The following COL15A1 variants were observed in gnomAD, a reference collection of about 807,000 sequenced individuals.
The protein encoded by COL15A1 is collagen type XV alpha 1 chain.
A neutral mutation model predicts 165.9 loss-of-function variants in COL15A1; 111 were observed. The observed-to-expected ratio is 0.67, with a 90% CI of 0.57 to 0.78. COL15A1 has a LOEUF of 0.78. Among genes scored for constraint, COL15A1 ranks in the 30% least tolerant of loss-of-function variants. COL15A1 has a pLI of 0.00. For missense variants in COL15A1, 1,745 were observed against 1,789.7 expected (o/e 0.98, Z 0.45); for synonymous variants, 659 against 674.8 (o/e 0.98, Z 0.36).
At chr9:98,980,582 G>A (rs1205529039) in intron 2 of COL15A1, among the ~76,000 whole-genome samples, 1 of 152,196 alleles carries the variant, frequency 6.6e-6, no homozygotes, top group East Asian at 1.9e-4. Context: ...TGACCACAGA[G>A]GGCCTCTTGA....
chr9:99,040,387 A>AATGCTG (rs1176575446), intron 22 of COL15A1, 134 bp from the exon 23 acceptor site: 10 of 1,430,626 alleles, frequency 7.0e-6, no homozygotes, highest in African/African-American at 1.4e-5. Context: ...CTTCTTCCCT[A>AATGCTG]ATGCTGTGTC....
chr9:99,024,519 T>C (rs1046980978), intron 14 of COL15A1, among the ~76,000 whole-genome samples: 12 of 152,088 alleles, frequency 7.9e-5, no homozygotes, highest in African/African-American at 2.9e-4. Context: ...CTCCTGACCT[T>C]GTGATCTGTC....
At position 99,049,845 on chromosome 9, in the gene COL15A1, T is replaced by TA; in HGVS notation, c.2863-8dup. 6.2e-7 allele frequency: 1 copy of TA among 1,614,196 alleles called. No homozygotes were observed. Among genetic ancestry groups the TA allele is most frequent in the Non-Finnish European group, 8.5e-7 (1 of 1,180,028 alleles). ...TTGACCTCACCTCTCTTGTTCTCAT[T>TA]ACCCACAGGCCATTTTCCCAATACC... On this transcript the variant is annotated splice_polypyrimidine_tract_variant and intron_variant, in intron 29 of 41. Transcript: ENST00000375001.
chr9:99,030,718 A>G (rs1449889353), intron 16 of COL15A1, among the ~76,000 whole-genome samples: 1 of 152,234 alleles, frequency 6.6e-6, no homozygotes. Context: ...AATTTTCTGT[A>G]ACAAGATCAG....
In COL15A1 at chr9:98,944,171, C is replaced by T. The variant is rs369351245; in HGVS notation, c.21C>T (p.Asn7=). The change falls in exon 2 of 42, where the codon AAC becomes AAT. Residue 7 remains asparagine (N), a synonymous_variant. Coordinates refer to ENST00000375001, the MANE Select transcript of COL15A1 (RefSeq NM_001855.5). The stretch of plus-strand genomic sequence containing the variant: ...CGGGCACATCTTGCAGGAGGAACAA[C>T]GGGCAGTGCTGGTGTCTGCTGATGC... MAPRRN[N]GQCWCLLMLL... 2.5e-6 allele frequency: 4 copies of T among 1,614,098 alleles called. No individual in the cohort carries two copies. The highest frequency in any genetic ancestry group is 2.2e-5 in the East Asian group (1 of 44,866).
chr9:99,024,828 A>G (rs1400346019), intron 14 of COL15A1, 46 bp from the exon 15 acceptor site: 1 of 1,589,282 alleles, frequency 6.3e-7, no homozygotes, highest in Non-Finnish European at 8.6e-7. Flanking sequence ...TCAGTATCTC[A>G]TTCGGTATTC....
In COL15A1 at chr9:98,973,686, G is replaced by A. The variant is rs183629830; in HGVS notation, c.101-11879G>A. Among the ~76,000 whole-genome samples the A allele has an allele frequency of 2.5e-3, 376 of 152,362 alleles. 1 individual carries two copies. The highest frequency in any genetic ancestry group is 7.8e-3 in the African/African-American group (326 of 41,586). Reference sequence around the variant, plus strand: ...GAGCTGTGACATTTTCCTGAGCACAGTGCTCCTTGCCTCTGGCCAGGCCTT... The same window carrying A: ...GAGCTGTGACATTTTCCTGAGCACAATGCTCCTTGCCTCTGGCCAGGCCTT... On this transcript the variant is annotated intron_variant, in intron 2 of 41. Transcript: ENST00000375001.
chr9:98,985,714 C>T lies in COL15A1; in HGVS notation c.250C>T (p.Pro84Ser), dbSNP rs902739986. The stretch of plus-strand genomic sequence containing the variant: ...TGGCCGCCCAGCCAGGACTCTCATC[C>T]CATCCACCTTCTTCAGGGACTTCGC... ...NVGRPARTLI[P>S]STFFRDFAIS... The change falls in exon 3 of 42, where the codon CCA becomes TCA. Residue 84 changes from proline to serine, a missense_variant. By Grantham distance (74) the Pro-to-Ser change is moderately conservative (BLOSUM62 -1). Transcript: ENST00000375001. 6 of 1,614,122 alleles carry T rather than the reference C, an allele frequency of 3.7e-6. No individual in the cohort carries two copies. The highest frequency in any genetic ancestry group is 1.6e-4 in the Middle Eastern group (1 of 6,084).
chr9:98,949,687 G>A (rs545876840), intron 2 of COL15A1, among the ~76,000 whole-genome samples: 19 of 152,250 alleles, frequency 1.2e-4, no homozygotes, highest in Admixed American at 9.8e-4. Flanking sequence ...TTATTGAGGT[G>A]AAATTTACAT....
intron 6 of COL15A1, 99 bp downstream of exon 6, chr9:98,997,180 C>G: frequency 7.0e-7 from 1 of 1,433,122 alleles, no homozygotes; most frequent in Non-Finnish European, 9.6e-7. Flanking sequence ...TCTCATTTAA[C>G]CTTCCCCTCA....
In COL15A1 at chr9:98,961,413, C is replaced by T. The variant is rs116666168; in HGVS notation, c.100+17163C>T. 7.7e-3 allele frequency among the ~76,000 whole-genome samples: 1,175 copies of T among 152,212 alleles called. 12 individuals carry two copies. Among genetic ancestry groups the T allele is most frequent in the African/African-American group, 0.027 (1,105 of 41,520 alleles). On this transcript the variant is annotated intron_variant, in intron 2 of 41. Coordinates refer to ENST00000375001, the MANE Select transcript of COL15A1 (RefSeq NM_001855.5). ...CTGTACCAGGGTGTCAGGAGAGTCTCCCCAAGGAATGGGATTTAAGATGAG... is the reference window on the plus strand; with the variant it reads ...CTGTACCAGGGTGTCAGGAGAGTCTTCCCAAGGAATGGGATTTAAGATGAG...
At chr9:98,961,822 C>CCT (rs1482775788) in intron 2 of COL15A1, among the ~76,000 whole-genome samples, 1 of 152,218 alleles carries the variant, frequency 6.6e-6, no homozygotes, top group African/African-American at 2.4e-5. Flanking sequence ...AGGGCGGGGG[C>CCT]AAAGGGTCTC....
chr9:99,034,312 C>T (rs1839258519), intron 16 of COL15A1, among the ~76,000 whole-genome samples: 1 of 152,206 alleles, frequency 6.6e-6, no homozygotes, highest in Non-Finnish European at 1.5e-5. Flanking sequence ...CTGGTTTACT[C>T]TTGCAGTAGG....
intron 16 of COL15A1, among the ~76,000 whole-genome samples, chr9:99,026,275 G>A (rs542566964): frequency 7.0e-4 from 107 of 152,150 alleles, no homozygotes; most frequent in South Asian, 2.1e-3. Context: ...GGTATGATTG[G>A]TCAGTGCCAA....
chr9:99,001,468 G>T (rs374383652), intron 7 of COL15A1, among the ~76,000 whole-genome samples: 12 of 152,096 alleles, frequency 7.9e-5, no homozygotes, highest in African/African-American at 2.9e-4. Context: ...CCTTCTCCTG[G>T]GATGAAAACT....
Position 99,000,943 on chromosome 9 carries a change from G to A in COL15A1, c.1057G>A (p.Glu353Lys). Residue 353 changes from glutamate to lysine, a missense_variant, in exon 7 of 42, where the codon GAA becomes AAA. Transcript: ENST00000375001. ...GGCTGGGGCCTTCCTTGACATTGCT[G>A]AAGAAAAGGTGAGTAGATGGTAAAT... The part of the protein sequence containing the change: ...SGAGAFLDIA[E>K]EKNLAATAAG... The A allele has an allele frequency of 2.7e-6, 4 of 1,474,494 alleles. No individual in the cohort carries two copies. The highest frequency in any genetic ancestry group is 3.8e-6 in the Non-Finnish European group (4 of 1,052,386). The allele number at this position is 1,474,494 out of a possible 1,614,324, so 91.3% of individuals were successfully genotyped here.
intron 16 of COL15A1, among the ~76,000 whole-genome samples, chr9:99,033,526 G>A (rs931460717): frequency 6.6e-6 from 1 of 152,166 alleles, no homozygotes; most frequent in African/African-American, 2.4e-5. Flanking sequence ...TTTTCTCCCT[G>A]TGGTTTCTCT....
chr9:99,035,449 G>A (rs1839285105), intron 19 of COL15A1, 31 bp downstream of exon 19: 1 of 1,613,794 alleles, frequency 6.2e-7, no homozygotes, highest in Admixed American at 1.7e-5. Flanking sequence ...TCATTATGAG[G>A]GTTGTCACAC....
At chr9:98,949,563 C>T (rs1239354319) in intron 2 of COL15A1, among the ~76,000 whole-genome samples, 3 of 152,324 alleles carry the variant, frequency 2.0e-5, no homozygotes, top group Middle Eastern at 3.4e-3. Flanking sequence ...AGCTTAACTT[C>T]AGCATTTCTA....
Sources: gnomAD v4.1 joint callset for allele counts (sites outside exome capture counted in the v4.1 genomes callset) on GRCh38, gnomAD v4.1.1 for gene constraint, MANE v1.5 for transcripts, NCBI Gene and HGNC (gene_info 2026-07-23, HGNC 2026-07-21) for gene names.